The following SPOCK3 variants were observed in gnomAD, a reference collection of about 807,000 sequenced individuals.
The protein encoded by SPOCK3 is SPARC (osteonectin), cwcv and kazal like domains proteoglycan 3.
In SPOCK3, 30 loss-of-function variants were observed where a neutral mutation model predicts 56.6. The ratio of observed to expected loss-of-function variants is 0.53; its 90% CI spans 0.40 to 0.72. The LOEUF is 0.72. SPOCK3 is among the 30% of genes least tolerant of loss of function. SPOCK3 has a pLI of 0.00. For missense variants in SPOCK3, 527 were observed against 530.0 expected, an observed-to-expected ratio of 0.99 and a Z score of 0.06; for synonymous variants, 196 against 183.3, an observed-to-expected ratio of 1.07 and a Z score of -0.56.
At chr4:167,023,716 A>G (rs1751420506) in intron 3 of SPOCK3, among the ~76,000 whole-genome samples, 5 of 151,818 alleles carry the variant, frequency 3.3e-5, no homozygotes, top group African/African-American at 1.2e-4. Context: ...CAAAACTGAA[A>G]CTCCCTTACA....
At chr4:166,843,556 C>T (rs957816404) in intron 6 of SPOCK3, among the ~76,000 whole-genome samples, 4 of 152,160 alleles carry the variant, frequency 2.6e-5, no homozygotes, top group African/African-American at 9.7e-5. Context: ...CACCATGAAT[C>T]TTGTAGTTTC....
intron 4 of SPOCK3, among the ~76,000 whole-genome samples, chr4:166,959,252 C>T (rs1365046847): frequency 6.6e-6 from 1 of 152,022 alleles, no homozygotes; most frequent in African/African-American, 2.4e-5. Flanking sequence ...CAGCCTATGA[C>T]TTTTTTCAAC....
chr4:166,905,258 T>A (rs1736489014), intron 5 of SPOCK3, among the ~76,000 whole-genome samples: 1 of 151,986 alleles, frequency 6.6e-6, no homozygotes, highest in South Asian at 2.1e-4. Flanking sequence ...AAAGAACATG[T>A]ATATTTAAAC....
At chr4:166,957,198 G>C (rs1043260219) in intron 4 of SPOCK3, among the ~76,000 whole-genome samples, 80 of 152,288 alleles carry the variant, frequency 5.3e-4, no homozygotes, top group African/African-American at 1.9e-3. Context: ...AAGTGGCAGT[G>C]AGCCAAGATC....
At chr4:167,003,896 A>C (rs1331355854) in intron 3 of SPOCK3, among the ~76,000 whole-genome samples, 1 of 152,028 alleles carries the variant, frequency 6.6e-6, no homozygotes, top group Non-Finnish European at 1.5e-5. Flanking sequence ...ATCTCCCTCA[A>C]TCTTTTGCCA....
rs539917058 is a variant in SPOCK3 at position 167,035,482 on chromosome 4, G to T, written c.235+27010C>A. On this transcript the variant is annotated intron_variant, in intron 3 of 10. Transcript: ENST00000357545. ...GCCAGCTCAAGAAAAGTCCCTACAGGACCTACCTTTCCTTAAGCAGAAGGA... is the reference window on the plus strand; with the variant it reads ...GCCAGCTCAAGAAAAGTCCCTACAGTACCTACCTTTCCTTAAGCAGAAGGA... Among the ~76,000 whole-genome samples, 6 of 152,004 alleles carry T rather than the reference G, an allele frequency of 3.9e-5. 1 individual carries two copies. The South Asian group carries it at 1.2e-3, about 32-fold the overall frequency.
chr4:167,175,680 T>G (rs1730922629), intron 2 of SPOCK3, among the ~76,000 whole-genome samples: 1 of 152,104 alleles, frequency 6.6e-6, no homozygotes, highest in Non-Finnish European at 1.5e-5. Context: ...GACAGGCATC[T>G]ATGAGCTAAA....
chr4:167,214,423 C>A (rs1413637875), intron 2 of SPOCK3, among the ~76,000 whole-genome samples: 2 of 151,890 alleles, frequency 1.3e-5, no homozygotes, highest in African/African-American at 4.8e-5. Flanking sequence ...AACAGTTTAG[C>A]GAGAAATTAT....
chr4:167,019,205 T>C (rs1037211182), intron 3 of SPOCK3, among the ~76,000 whole-genome samples: 3 of 152,112 alleles, frequency 2.0e-5, no homozygotes, highest in Admixed American at 2.0e-4. Flanking sequence ...TGGTCTTGCA[T>C]TTTGAGTTAA....
chr4:166,928,152 T>C (rs1165303932), intron 4 of SPOCK3, among the ~76,000 whole-genome samples: 1 of 152,152 alleles, frequency 6.6e-6, no homozygotes, highest in African/African-American at 2.4e-5. Context: ...TACAGCAACT[T>C]TGGAAAACAG....
At chr4:167,116,622 T>C (rs62652548) in intron 2 of SPOCK3, among the ~76,000 whole-genome samples, 6 of 125,384 alleles carry the variant, frequency 4.8e-5, no homozygotes, top group African/African-American at 9.6e-5. Flanking sequence ...CGTATATATA[T>C]ACATATATAC....
At chr4:166,880,617 G>A (rs1733588742) in intron 6 of SPOCK3, among the ~76,000 whole-genome samples, 1 of 152,058 alleles carries the variant, frequency 6.6e-6, no homozygotes, top group Non-Finnish European at 1.5e-5. Context: ...ACTTTCCCAT[G>A]TCGTTTGATT....
intron 4 of SPOCK3, among the ~76,000 whole-genome samples, chr4:166,922,340 G>C (rs1738590690): frequency 6.6e-6 from 1 of 152,090 alleles, no homozygotes; most frequent in South Asian, 2.1e-4. Flanking sequence ...GCTTTTTGTA[G>C]GATTTTTCTA....
At chr4:167,159,297 A>T (rs1195124428) in intron 2 of SPOCK3, among the ~76,000 whole-genome samples, 1 of 152,034 alleles carries the variant, frequency 6.6e-6, no homozygotes, top group Non-Finnish European at 1.5e-5. Flanking sequence ...GGTTCAAAAC[A>T]ACTACCCAAA....
At chr4:167,002,659 A>C (rs918400004) in intron 3 of SPOCK3, among the ~76,000 whole-genome samples, 1 of 152,168 alleles carries the variant, frequency 6.6e-6, no homozygotes, top group Non-Finnish European at 1.5e-5. Flanking sequence ...GCAAATGTAA[A>C]TTGCTACAAC....
chr4:167,018,156 T>TC (rs1380583174), intron 3 of SPOCK3, among the ~76,000 whole-genome samples: 1 of 152,132 alleles, frequency 6.6e-6, no homozygotes, highest in Non-Finnish European at 1.5e-5. Flanking sequence ...AGAGTACAAG[T>TC]ATTAATAAAA....
At chr4:167,101,579 CTATT>C (rs1759648379) in intron 2 of SPOCK3, among the ~76,000 whole-genome samples, 1 of 152,004 alleles carries the variant, frequency 6.6e-6, no homozygotes, top group Non-Finnish European at 1.5e-5. Context: ...CCAATAAGTG[CTATT>C]TATTTAAGAA....
intron 6 of SPOCK3, among the ~76,000 whole-genome samples, chr4:166,804,873 A>C (rs1211995379): frequency 6.6e-6 from 1 of 152,124 alleles, no homozygotes; most frequent in Admixed American, 6.6e-5. Context: ...AAGAATTACT[A>C]TTCTGTGGAG....
At position 167,225,224 on chromosome 4, in the gene SPOCK3, T is replaced by C. The variant is rs146462960; in HGVS notation, c.189+8761A>G. Among the ~76,000 whole-genome samples the C allele has an allele frequency of 6.6e-3, 1,001 of 152,276 alleles. 20 individuals are homozygous for C. The highest frequency in any genetic ancestry group is 0.045 in the Admixed American group (695 of 15,284). ...ATGAACTAATGAAATATAATAGTGC[T>C]ATTTCTGAAGGAGGGAATAAAAATT... On this transcript the variant is annotated intron_variant, in intron 2 of 10. Coordinates refer to ENST00000357545, the MANE Select transcript of SPOCK3 (RefSeq NM_001040159.2).
Sources: gnomAD v4.1 joint callset for allele counts (sites outside exome capture counted in the v4.1 genomes callset) on GRCh38, gnomAD v4.1.1 for gene constraint, MANE v1.5 for transcripts, NCBI Gene and HGNC (gene_info 2026-07-23, HGNC 2026-07-21) for gene names.